Variants in PTPRD observed in about 807,000 individuals in gnomAD.
PTPRD encodes receptor-type tyrosine-protein phosphatase delta.
Under a neutral mutation model 214.5 loss-of-function variants are expected in PTPRD, and 34 were observed. That is an observed-to-expected ratio of 0.16 (90% confidence interval 0.12 to 0.21). The LOEUF (loss-of-function observed/expected upper bound fraction) is 0.21. Among genes scored for constraint, PTPRD ranks in the 10% least tolerant of loss-of-function variants. The pLI, the probability that PTPRD is intolerant of heterozygous loss-of-function variation, is 1.00. For missense variants in PTPRD, 2,545 were observed against 2,398.7 expected, an observed-to-expected ratio of 1.06 and a Z score of -1.27; for synonymous variants, 1,128 against 845.7, an observed-to-expected ratio of 1.33 and a Z score of -5.79.
intron 11 of PTPRD, among the ~76,000 whole-genome samples, chr9:8,795,926 A>C (rs756993216): frequency 5.6e-4 from 85 of 152,204 alleles, no homozygotes; most frequent in African/African-American, 7.2e-5. Flanking sequence ...AAAAAAGAAA[A>C]GGCACTTTTT....
intron 5 of PTPRD, among the ~76,000 whole-genome samples, chr9:9,910,412 T>A (rs960324329): frequency 1.3e-5 from 2 of 151,972 alleles, no homozygotes; most frequent in Non-Finnish European, 1.5e-5. Context: ...GCAGTTCTGT[T>A]CAAATAATCC....
At chr9:8,778,656 T>G (rs967042052) in intron 11 of PTPRD, among the ~76,000 whole-genome samples, 7 of 152,216 alleles carry the variant, frequency 4.6e-5, no homozygotes, top group African/African-American at 1.7e-4. Flanking sequence ...CACTGTTTAC[T>G]TAAGCCCTTT....
At chr9:9,922,230 C>G (rs935631917) in intron 5 of PTPRD, among the ~76,000 whole-genome samples, 1 of 152,110 alleles carries the variant, frequency 6.6e-6, no homozygotes, top group African/African-American at 2.4e-5. Flanking sequence ...GGTGGTTGCT[C>G]TCTCTTCCTC....
At chr9:10,599,480 T>C (rs2077447695) in intron 2 of PTPRD, among the ~76,000 whole-genome samples, 1 of 151,778 alleles carries the variant, frequency 6.6e-6, no homozygotes, top group South Asian at 2.1e-4. Flanking sequence ...TTAAATGTAT[T>C]TGATTTGACA....
chr9:9,727,104 G>A lies in PTPRD; in HGVS notation c.-287+7429C>T, dbSNP rs568516520. 1.7e-3 allele frequency among the ~76,000 whole-genome samples: 262 copies of A among 152,188 alleles called. 1 individual carries two copies. Among genetic ancestry groups the A allele is most frequent in the African/African-American group, 5.9e-3 (245 of 41,550 alleles). On this transcript the variant is annotated intron_variant, in intron 7 of 45. Coordinates refer to ENST00000381196, the MANE Select transcript of PTPRD (RefSeq NM_002839.4). ...ATGTGTGCTTAATTAACCACAAAACGTTCTTTCAATGTATTAGCAATATGA... is the reference window on the plus strand; with the variant it reads ...ATGTGTGCTTAATTAACCACAAAACATTCTTTCAATGTATTAGCAATATGA...
intron 39 of PTPRD, among the ~76,000 whole-genome samples, chr9:8,346,067 A>T (rs902305321): frequency 6.6e-6 from 1 of 152,130 alleles, no homozygotes; most frequent in African/African-American, 2.4e-5. Flanking sequence ...TCTAAGCTTA[A>T]TCAGTATCTT....
intron 2 of PTPRD, among the ~76,000 whole-genome samples, chr9:10,448,347 T>G (rs2098813739): frequency 6.6e-6 from 1 of 151,996 alleles, no homozygotes; most frequent in African/African-American, 2.4e-5. Flanking sequence ...AGATAGCTGC[T>G]GCTTTTGAGT....
chr9:9,321,377 G>T (rs13301142), intron 9 of PTPRD, among the ~76,000 whole-genome samples: 16,329 of 152,008 alleles, frequency 0.11, 1,138 homozygotes, highest in Non-Finnish European at 0.16. Context: ...CCAATATGGT[G>T]AAACCCCATC....
At chr9:9,262,374 A>C (rs1594769459) in intron 9 of PTPRD, among the ~76,000 whole-genome samples, 1 of 151,194 alleles carries the variant, frequency 6.6e-6, no homozygotes, top group East Asian at 2.0e-4. Context: ...AAAAATATTA[A>C]TGTAATGTTT....
At chr9:8,849,726 T>C (rs986184783) in intron 11 of PTPRD, among the ~76,000 whole-genome samples, 6 of 152,162 alleles carry the variant, frequency 3.9e-5, no homozygotes, top group Admixed American at 2.6e-4. Context: ...AATGTGATAC[T>C]GCACAAGGGC....
At chr9:8,872,532 A>G (rs2098320265) in intron 11 of PTPRD, among the ~76,000 whole-genome samples, 1 of 152,190 alleles carries the variant, frequency 6.6e-6, no homozygotes, top group South Asian at 2.1e-4. Flanking sequence ...GGCCATAATT[A>G]TACTTTTCTC....
At chr9:10,222,202 C>G (rs1185534473) in intron 3 of PTPRD, among the ~76,000 whole-genome samples, 1 of 152,046 alleles carries the variant, frequency 6.6e-6, no homozygotes, top group Non-Finnish European at 1.5e-5. Context: ...TTTTTCCTCT[C>G]ATCTGTGACA....
chr9:9,859,426 T>G (rs1197463539), intron 5 of PTPRD, among the ~76,000 whole-genome samples: 1 of 152,194 alleles, frequency 6.6e-6, no homozygotes, highest in Non-Finnish European at 1.5e-5. Context: ...CAATAATTTG[T>G]CTTAGCTTTG....
intron 10 of PTPRD, among the ~76,000 whole-genome samples, chr9:9,019,276 AGAAAG>A (rs1315880073): frequency 8.2e-5 from 12 of 145,918 alleles, no homozygotes; most frequent in African/African-American, 3.0e-4. Context: ...AGAAAGAAAA[AGAAAG>A]AAGAAAGAAA....
chr9:8,341,260 G>C lies in PTPRD; in HGVS notation c.4956C>G (p.Ala1652=), dbSNP rs1164183490. ...TGMELEFKRL[A]SSKAHTSRFI... The stretch of plus-strand genomic sequence containing the variant: ...ACCTTGAGGTGTGAGCTTTTGAGCT[G>C]GCTAGACGCTGTTGAATAGGAAAAA... The change falls in exon 41 of 46, where the codon GCC becomes GCG. Residue 1652 remains alanine (A), a synonymous_variant. Coordinates refer to ENST00000381196, the MANE Select transcript of PTPRD (RefSeq NM_002839.4). 1.9e-6 allele frequency: 3 copies of C among 1,589,430 alleles called. No individual in the cohort carries two copies. Among genetic ancestry groups the C allele is most frequent in the African/African-American group, 2.7e-5 (2 of 72,928 alleles).
chr9:8,406,147 T>C (rs1289925068), intron 35 of PTPRD, among the ~76,000 whole-genome samples: 1 of 152,220 alleles, frequency 6.6e-6, no homozygotes, highest in East Asian at 1.9e-4. Context: ...TGAAAACTAA[T>C]ATAATTAAGG....
intron 5 of PTPRD, among the ~76,000 whole-genome samples, chr9:9,872,130 C>G (rs1005610967): frequency 2.6e-5 from 4 of 152,104 alleles, no homozygotes; most frequent in Non-Finnish European, 4.4e-5. Flanking sequence ...TTGCACTTAT[C>G]CATCAAAGTT....
At chr9:9,898,231 G>A (rs139799919) in intron 5 of PTPRD, among the ~76,000 whole-genome samples, 228 of 152,076 alleles carry the variant, frequency 1.5e-3, no homozygotes, top group African/African-American at 5.0e-3. Flanking sequence ...ATATCAATGC[G>A]TCAATTAAAA....
At chr9:10,172,004 C>A (rs1450878045) in intron 3 of PTPRD, among the ~76,000 whole-genome samples, 1 of 152,054 alleles carries the variant, frequency 6.6e-6, no homozygotes, top group Non-Finnish European at 1.5e-5. Context: ...ACCATTCCAG[C>A]CTCATAAGAA....
Sources: gnomAD v4.1 joint callset for allele counts (sites outside exome capture counted in the v4.1 genomes callset) on GRCh38, gnomAD v4.1.1 for gene constraint, MANE v1.5 for transcripts, NCBI Gene and HGNC (gene_info 2026-07-23, HGNC 2026-07-21) for gene names.